The following ASRGL1 variants were observed in gnomAD, a reference collection of about 807,000 sequenced individuals.
The protein encoded by ASRGL1 is isoaspartyl peptidase/L-asparaginase.
A neutral mutation model predicts 22.4 loss-of-function variants in ASRGL1; 16 were observed. That is an observed-to-expected ratio of 0.71 (90% CI 0.48 to 1.08). The LOEUF (loss-of-function observed/expected upper bound fraction) is 1.08. Among genes scored for constraint, ASRGL1 ranks in the 50% least tolerant of loss-of-function variants. The pLI is 0.00. For missense variants in ASRGL1, 412 were observed against 410.1 expected, an observed-to-expected ratio of 1.00 and a Z score of -0.04; for synonymous variants, 165 against 159.3, an observed-to-expected ratio of 1.04 and a Z score of -0.27.
intron 5 of ASRGL1, 149 bp from the exon 6 acceptor site, chr11:62,391,373 C>T: frequency 8.2e-7 from 1 of 1,224,420 alleles, no homozygotes; most frequent in Non-Finnish European, 1.1e-6. Context: ...TCTAGTCCAC[C>T]TTTGCCTCCG....
At chr11:62,342,502 A>G (rs555712132) in intron 2 of ASRGL1, among the ~76,000 whole-genome samples, 6 of 152,340 alleles carry the variant, frequency 3.9e-5, no homozygotes, top group African/African-American at 7.2e-5. Context: ...TTACACATAA[A>G]TGGCAGCACT....
At chr11:62,344,299 T>G (rs756654466) in intron 2 of ASRGL1, among the ~76,000 whole-genome samples, 1 of 152,218 alleles carries the variant, frequency 6.6e-6, no homozygotes, top group Non-Finnish European at 1.5e-5. Context: ...ATTCTAGATA[T>G]AGCTTTTATC....
intron 4 of ASRGL1, among the ~76,000 whole-genome samples, chr11:62,369,521 G>C (rs1252611070): frequency 6.6e-6 from 1 of 151,978 alleles, no homozygotes; most frequent in Admixed American, 6.6e-5. Flanking sequence ...TGTCTCTTCG[G>C]AGCTGCTGGG....
chr11:62,372,039 G>T, intron 4 of ASRGL1: 1 of 749,438 alleles, frequency 1.3e-6, no homozygotes, highest in African/African-American at 1.7e-5. Flanking sequence ...CATAGGTATG[G>T]GTGCCTGGCG....
chr11:62,393,642 C>G (rs980083850), downstream of ASRGL1, among the ~76,000 whole-genome samples: 1 of 152,154 alleles, frequency 6.6e-6, no homozygotes, highest in Non-Finnish European at 1.5e-5. Context: ...TGCAGTTTGC[C>G]AGCATTCACC....
intron 4 of ASRGL1, among the ~76,000 whole-genome samples, chr11:62,376,554 A>G (rs1273636469): frequency 1.3e-5 from 2 of 152,142 alleles, no homozygotes; most frequent in African/African-American, 4.8e-5. Context: ...GATGTTCTGC[A>G]GAAGTAGTAG....
downstream of ASRGL1, among the ~76,000 whole-genome samples, chr11:62,394,187 T>C (rs117699706): frequency 0.082 from 11,189 of 137,152 alleles, 561 homozygotes; most frequent in Non-Finnish European, 0.12. Context: ...TATAAATATA[T>C]ATACTATTAT....
At chr11:62,362,521 T>TAATA (rs1565161864) in intron 4 of ASRGL1, among the ~76,000 whole-genome samples, 1 of 32,008 alleles carries the variant, frequency 3.1e-5, no homozygotes, top group South Asian at 7.8e-4. Flanking sequence ...CATATATTAT[T>TAATA]TATATAATAT....
chr11:62,356,581 C>T, intron 3 of ASRGL1, 114 bp downstream of exon 3: 1 of 1,279,082 alleles, frequency 7.8e-7, no homozygotes, highest in Admixed American at 2.6e-5. Flanking sequence ...AAAATATATA[C>T]AAAACAGATG....
At chr11:62,395,974 ATGT>A (rs1185685541), downstream of ASRGL1, among the ~76,000 whole-genome samples, 2 of 151,202 alleles carry the variant, frequency 1.3e-5, no homozygotes, top group Non-Finnish European at 2.9e-5. Context: ...GGGTTTCATC[ATGT>A]TGGACAGGCT....
Position 62,338,057 on chromosome 11 carries a change from T to G in ASRGL1, c.80T>G (p.Met27Arg). 1 of 1,608,172 alleles carries G rather than the reference T, an allele frequency of 6.2e-7. No homozygotes were observed. Among genetic ancestry groups the G allele is most frequent in the Non-Finnish European group, 8.5e-7 (1 of 1,177,790 alleles). ...KDRKERVHQG[M>R]VRAATVGYGI... ...CGGAAGGAGCGAGTGCACCAGGGCA[T>G]GGTCAGAGCCGCCACCGTGGGCTAC... Residue 27 changes from methionine to arginine, a missense_variant, in exon 2 of 7, where the codon ATG becomes AGG. By Grantham distance (91) the Met-to-Arg change is moderately conservative. Coordinates refer to ENST00000415229, the MANE Select transcript of ASRGL1 (RefSeq NM_001083926.2).
rs1215656352 is a variant in ASRGL1, at chr11:62,389,701, A to G, written c.610+450A>G. The G allele has an allele frequency of 5.2e-5, 15 of 288,338 alleles. No individual in the cohort carries two copies. The East Asian group carries it at 1.1e-3, about 21-fold the overall frequency. The allele number at this position is 288,338 out of a possible 1,614,324, so 17.9% of individuals were successfully genotyped here. ...GAAAGTGACATACTTCTACAGACAC[A>G]TTATAGATTGAGATGTTGTTTACAT... is the stretch of plus-strand genomic sequence containing the variant. On this transcript the variant is annotated intron_variant, in intron 5 of 6. Transcript: ENST00000415229.
chr11:62,399,977 T>C, the ASRGL1 span, among the ~76,000 whole-genome samples: 3 of 152,186 alleles, frequency 2.0e-5, no homozygotes, highest in African/African-American at 7.2e-5. Context: ...CCTCCTTCCC[T>C]GAACTCTCCA....
At chr11:62,354,421 G>C (rs746253788) in intron 2 of ASRGL1, among the ~76,000 whole-genome samples, 1 of 152,090 alleles carries the variant, frequency 6.6e-6, no homozygotes. Context: ...ATATGATAAA[G>C]TTTAATATAT....
At chr11:62,356,232 C>T (rs1331154195) in intron 2 of ASRGL1, 93 bp from the exon 3 acceptor site, 61 of 1,467,026 alleles carry the variant, frequency 4.2e-5, no homozygotes, top group Non-Finnish European at 5.2e-5. Flanking sequence ...CCGGATGGGG[C>T]GGCTGGCCGG....
chr11:62,389,424 G>C, intron 5 of ASRGL1, 173 bp downstream of exon 5: 2 of 713,970 alleles, frequency 2.8e-6, no homozygotes, highest in Non-Finnish European at 5.0e-6. Context: ...TCGGGGTGCT[G>C]CCTTGAGAGG....
At chr11:62,389,589 T>TA in intron 5 of ASRGL1, 1 of 381,216 alleles carries the variant, frequency 2.6e-6, no homozygotes, top group Non-Finnish European at 5.1e-6. Context: ...TCTGCAGACT[T>TA]ACTTGAGTAA....
chr11:62,357,279 T>G, intron 4 of ASRGL1, 135 bp downstream of exon 4: 3 of 617,272 alleles, frequency 4.9e-6, no homozygotes, highest in Non-Finnish European at 4.7e-6. Flanking sequence ...ACACGGAGTC[T>G]CTCTCTGTTG....
At chr11:62,392,003 T>G in intron 6 of ASRGL1, 76 bp from the exon 7 acceptor site, 1 of 1,542,862 alleles carries the variant, frequency 6.5e-7, no homozygotes, top group Non-Finnish European at 9.0e-7. Context: ...ACTTTGGCAT[T>G]TCAAATGGCA....
Sources: allele counts gnomAD v4.1 joint callset (sites outside exome capture counted in the v4.1 genomes callset), GRCh38; gene constraint gnomAD v4.1.1; transcripts MANE v1.5; gene names NCBI Gene and HGNC (gene_info 2026-07-23, HGNC 2026-07-21).